ATL1: variants seen among roughly 807,000 people sequenced by gnomAD.
ATL1 encodes atlastin GTPase 1.
In ATL1, 31 loss-of-function variants were observed where a neutral mutation model predicts 75.5. That is an observed-to-expected ratio of 0.41 (90% CI 0.31 to 0.55). The LOEUF (loss-of-function observed/expected upper bound fraction) is 0.55. Ranked by LOEUF, ATL1 falls within the 20% of genes least tolerant of loss-of-function variation. The probability of loss-of-function intolerance (pLI) is 0.27; values close to 1 mark genes in which losing one functional copy is unlikely to be tolerated. For synonymous variants in ATL1, 226 were observed against 233.3 expected, an observed-to-expected ratio of 0.97 and a Z score of 0.28; for missense variants, 405 against 662.6, an observed-to-expected ratio of 0.61 and a Z score of 4.27.
intron 1 of ATL1, among the ~76,000 whole-genome samples, chr14:50,549,534 A>G (rs1342564815): frequency 1.3e-5 from 2 of 152,226 alleles, no homozygotes; most frequent in African/African-American, 4.8e-5. Context: ...GGACACAACA[A>G]TGGGGCTACT....
chr14:50,614,459 T>G lies in ATL1; in HGVS notation c.810T>G (p.Pro270=). The part of the protein sequence containing the change: ...CFTNISCFLL[P]HPGLKVATNP... ...CCAACATTTCCTGTTTTCTGCTACC[T>G]CATCCTGGCTTAAAAGTAGCTACCA... Residue 270 remains proline (P), a synonymous_variant, in exon 8 of 14, where the codon CCT becomes CCG. Coordinates refer to ENST00000358385, the MANE Select transcript of ATL1 (RefSeq NM_015915.5). The G allele has an allele frequency of 1.2e-6, 2 of 1,614,016 alleles. No homozygotes were observed. The highest frequency in any genetic ancestry group is 1.7e-6 in the Non-Finnish European group (2 of 1,179,930).
chr14:50,560,875 C>T (rs1469946017), intron 1 of ATL1, among the ~76,000 whole-genome samples: 16 of 152,196 alleles, frequency 1.1e-4, no homozygotes, highest in African/African-American at 3.6e-4. Flanking sequence ...AAGGGCCACC[C>T]TCTTGGGAAT....
At position 50,590,925 on chromosome 14, in the gene ATL1, C is replaced by T; in HGVS notation, c.283-16C>T. ...CACATATCAAGTTCCATATCATAGA[C>T]TTTATCATTTTATAGGAATCAGTTG... On this transcript the variant is annotated splice_polypyrimidine_tract_variant and intron_variant, in intron 2 of 13. Coordinates refer to ENST00000358385, the MANE Select transcript of ATL1 (RefSeq NM_015915.5). 6.2e-7 allele frequency: 1 copy of T among 1,612,684 alleles called. No individual in the cohort carries two copies. The highest frequency in any genetic ancestry group is 8.5e-7 in the Non-Finnish European group (1 of 1,179,098).
intron 8 of ATL1, among the ~76,000 whole-genome samples, chr14:50,616,761 A>C (rs1308538888): frequency 6.6e-6 from 1 of 152,228 alleles, no homozygotes; most frequent in East Asian, 1.9e-4. Context: ...TTTCCATAAA[A>C]GTTCCATTTT....
intron 1 of ATL1, among the ~76,000 whole-genome samples, chr14:50,576,166 T>C (rs2039004233): frequency 1.3e-5 from 2 of 152,220 alleles, no homozygotes; most frequent in African/African-American, 4.8e-5. Context: ...CACTTTGTTA[T>C]AAAATAGGCT....
chr14:50,535,888 A>G (rs753356682), intron 1 of ATL1, among the ~76,000 whole-genome samples: 3 of 152,192 alleles, frequency 2.0e-5, no homozygotes, highest in Non-Finnish European at 2.9e-5. Flanking sequence ...ATGAATCATG[A>G]GGGCAAGTCT....
intron 12 of ATL1, among the ~76,000 whole-genome samples, chr14:50,629,357 G>A (rs1007440672): frequency 1.3e-5 from 2 of 152,024 alleles, no homozygotes; most frequent in Admixed American, 6.6e-5. Context: ...CAAAGTGGGC[G>A]GATCATCTGA....
intron 9 of ATL1, among the ~76,000 whole-genome samples, chr14:50,621,272 TACCAAC>T (rs937531469): frequency 6.6e-6 from 1 of 152,254 alleles, no homozygotes; most frequent in Admixed American, 6.5e-5. Flanking sequence ...GAATTTCAGT[TACCAAC>T]CCAATTGTGG....
chr14:50,591,685 A>G (rs774056032), intron 4 of ATL1, 46 bp downstream of exon 4: 3 of 1,318,496 alleles, frequency 2.3e-6, no homozygotes, highest in Admixed American at 1.7e-5. Context: ...ACTAAAAATT[A>G]TGAGTATATG....
intron 2 of ATL1, among the ~76,000 whole-genome samples, chr14:50,588,786 G>T (rs1013796770): frequency 7.9e-5 from 12 of 152,120 alleles, no homozygotes; most frequent in African/African-American, 2.7e-4. Flanking sequence ...TTATTTTTCA[G>T]GCTTAGGATT....
chr14:50,595,517 GTT>G, intron 5 of ATL1, 57 bp from the exon 6 acceptor site: 2 of 1,465,764 alleles, frequency 1.4e-6, no homozygotes, highest in Non-Finnish European at 1.8e-6. Context: ...AGGTGCTAAA[GTT>G]CTCTCTCTCT....
In ATL1 at chr14:50,568,974, C is replaced by T. The variant is rs540712141; in HGVS notation, c.34+8675C>T. ...TTCTTCTCCTTTACATGTCCATCCT[C>T]ACCCCTTTCAGTTATTGGTATCATA... On this transcript the variant is annotated intron_variant, in intron 1 of 13. Coordinates refer to ENST00000358385, the MANE Select transcript of ATL1 (RefSeq NM_015915.5). 1.2e-4 allele frequency among the ~76,000 whole-genome samples: 19 copies of T among 152,210 alleles called. 1 individual carries two copies. In the South Asian group the frequency reaches 3.7e-3, roughly 30 times the overall value.
intron 1 of ATL1, among the ~76,000 whole-genome samples, chr14:50,549,038 A>G (rs1010190121): frequency 1.3e-5 from 2 of 152,150 alleles, no homozygotes; most frequent in African/African-American, 4.8e-5. Context: ...GTCTACAACA[A>G]AGGGGTGCCC....
At chr14:50,574,254 G>A (rs1259719498) in intron 1 of ATL1, among the ~76,000 whole-genome samples, 2 of 152,180 alleles carry the variant, frequency 1.3e-5, no homozygotes, top group Non-Finnish European at 2.9e-5. Flanking sequence ...CAAGTCTCAT[G>A]GCTGCTGTCA....
At chr14:50,553,399 A>G (rs1361388450) in intron 1 of ATL1, among the ~76,000 whole-genome samples, 1 of 152,124 alleles carries the variant, frequency 6.6e-6, no homozygotes, top group Non-Finnish European at 1.5e-5. Flanking sequence ...AACCACAATG[A>G]GATACAACCT....
chr14:50,550,484 T>C (rs1185863047), intron 1 of ATL1, among the ~76,000 whole-genome samples: 2 of 152,176 alleles, frequency 1.3e-5, no homozygotes, highest in African/African-American at 2.4e-5. Flanking sequence ...CCTCCCCTTG[T>C]TAAGTTGCAA....
intron 13 of ATL1, chr14:50,632,012 A>G (rs2039585994): frequency 2.6e-6 from 1 of 377,542 alleles, no homozygotes; most frequent in Non-Finnish European, 4.9e-6. Context: ...TTTGAGAATA[A>G]AACATTCACC....
intron 4 of ATL1, among the ~76,000 whole-genome samples, chr14:50,592,554 T>C (rs1026826183): frequency 3.4e-5 from 5 of 149,074 alleles, no homozygotes; most frequent in Non-Finnish European, 6.0e-5. Context: ...AAAAAAAAAG[T>C]CATGGTTATA....
rs2039591122 is a variant in ATL1, at chr14:50,632,349, TAAGA to T, written c.*13_*16del. 3 of 1,549,384 alleles carry T rather than the reference TAAGA, an allele frequency of 1.9e-6. No individual in the cohort carries two copies. Among genetic ancestry groups the T allele is most frequent in the Non-Finnish European group, 2.7e-6 (3 of 1,121,764 alleles). The stretch of plus-strand genomic sequence containing the variant: ...AAAGAAAAAAATGTAATGCAAATTT[TAAGA>T]AATACAGGTGCATGACCAATTGTCA... On this transcript the variant is annotated 3_prime_UTR_variant, in exon 14 of 14. Coordinates refer to ENST00000358385, the MANE Select transcript of ATL1 (RefSeq NM_015915.5).
Sources: allele counts gnomAD v4.1 joint callset (sites outside exome capture counted in the v4.1 genomes callset), GRCh38; gene constraint gnomAD v4.1.1; transcripts MANE v1.5; gene names NCBI Gene and HGNC (gene_info 2026-07-23, HGNC 2026-07-21).